Variants in SGCZ observed in about 807,000 individuals in gnomAD.
SGCZ encodes the protein sarcoglycan zeta.
A neutral mutation model predicts 41.3 loss-of-function variants in SGCZ; 40 were observed. That is an observed-to-expected ratio of 0.97 (90% CI 0.75 to 1.26). The LOEUF (loss-of-function observed/expected upper bound fraction) is 1.26. Among genes scored for constraint, SGCZ ranks in the 50% most tolerant of loss-of-function variants. SGCZ has a pLI of 0.00. For synonymous variants in SGCZ, 206 were observed against 137.5 expected (o/e 1.50, Z -3.49); for missense variants, 552 against 369.8 (o/e 1.49, Z -4.04).
chr8:14,537,078 A>G (rs142589421), intron 2 of SGCZ, among the ~76,000 whole-genome samples: 1,578 of 151,908 alleles, frequency 0.01, 22 homozygotes, highest in African/African-American at 0.036. Context: ...CCCCATCATG[A>G]CTCTAACAGC....
rs192200235 is a variant in SGCZ, at chr8:14,989,313, C to T, written c.39+248272G>A. ...ATCACTGTTCTGTACTCCCCAACAA[C>T]GTACCAGAAAGATAAATAATTCATT... is the stretch of plus-strand genomic sequence containing the variant. On this transcript the variant is annotated intron_variant, in intron 1 of 7. Transcript: ENST00000382080. Among the ~76,000 whole-genome samples the T allele has an allele frequency of 1.5e-3, 223 of 152,170 alleles. 1 individual carries two copies. The highest frequency in any genetic ancestry group is 4.8e-3 in the African/African-American group (201 of 41,510).
chr8:14,989,717 G>T (rs551667170), intron 1 of SGCZ, among the ~76,000 whole-genome samples: 3 of 152,132 alleles, frequency 2.0e-5, no homozygotes, highest in African/African-American at 7.2e-5. Context: ...TTTCTGTCAC[G>T]AGCAGAAATG....
rs1810060993 is a variant in SGCZ, at chr8:14,726,474, T to C, written c.40-171548A>G. On this transcript the variant is annotated intron_variant, in intron 1 of 7. Coordinates refer to ENST00000382080, the MANE Select transcript of SGCZ (RefSeq NM_139167.4). ...TAAGTCATTTAACAAAAGCTGTTTA[T>C]ATATATTTCAAAAAACAACATTTTA... Among the ~76,000 whole-genome samples, 2 of 151,422 alleles carry C rather than the reference T, an allele frequency of 1.3e-5. 1 individual carries two copies. The highest frequency in any genetic ancestry group is 4.1e-4 in the South Asian group (2 of 4,822).
chr8:14,464,049 A>G (rs1389232508), intron 2 of SGCZ, among the ~76,000 whole-genome samples: 1 of 151,638 alleles, frequency 6.6e-6, no homozygotes, highest in Non-Finnish European at 1.5e-5. Flanking sequence ...CTTTGTATCA[A>G]TGTTCATAAG....
At chr8:15,177,613 C>A (rs1800038361) in intron 1 of SGCZ, among the ~76,000 whole-genome samples, 1 of 152,042 alleles carries the variant, frequency 6.6e-6, no homozygotes, top group Admixed American at 6.5e-5. Flanking sequence ...TAAAAAGGAA[C>A]TGATGGAACA....
chr8:14,180,976 C>A (rs1302450406), intron 4 of SGCZ, among the ~76,000 whole-genome samples: 2 of 151,982 alleles, frequency 1.3e-5, no homozygotes, highest in African/African-American at 2.4e-5. Context: ...CAACATGAGG[C>A]AGCACCAATA....
chr8:14,589,674 G>T (rs1301225133), intron 1 of SGCZ, among the ~76,000 whole-genome samples: 1 of 152,040 alleles, frequency 6.6e-6, no homozygotes, highest in African/African-American at 2.4e-5. Flanking sequence ...TAATTTGGAG[G>T]AACATAGATA....
intron 1 of SGCZ, among the ~76,000 whole-genome samples, chr8:14,560,802 C>T (rs1009874157): frequency 4.2e-4 from 64 of 151,484 alleles, no homozygotes; most frequent in African/African-American, 1.5e-3. Context: ...TATCAAATGC[C>T]TCTAACAATT....
At chr8:14,416,633 A>G (rs1293246367) in intron 2 of SGCZ, among the ~76,000 whole-genome samples, 3 of 151,852 alleles carry the variant, frequency 2.0e-5, no homozygotes, top group Non-Finnish European at 4.4e-5. Flanking sequence ...TTTTAAATGG[A>G]TATTAACCAT....
intron 2 of SGCZ, among the ~76,000 whole-genome samples, chr8:14,498,648 T>A (rs748045972): frequency 3.9e-5 from 6 of 152,096 alleles, no homozygotes; most frequent in Non-Finnish European, 7.4e-5. Flanking sequence ...CATGAGCTAT[T>A]ATTTTAGTGG....
intron 1 of SGCZ, among the ~76,000 whole-genome samples, chr8:14,979,761 G>C (rs540722407): frequency 1.3e-5 from 2 of 152,286 alleles, no homozygotes; most frequent in South Asian, 4.1e-4. Flanking sequence ...CTGGTTATTA[G>C]GATATGAATA....
chr8:14,387,821 C>G (rs1418175196), intron 2 of SGCZ, among the ~76,000 whole-genome samples: 2 of 151,974 alleles, frequency 1.3e-5, no homozygotes, highest in Admixed American at 6.6e-5. Context: ...TTCATCTGGT[C>G]TTTGCATTTT....
At chr8:14,657,249 G>T (rs375177805) in intron 1 of SGCZ, among the ~76,000 whole-genome samples, 1 of 151,936 alleles carries the variant, frequency 6.6e-6, no homozygotes, top group East Asian at 1.9e-4. Flanking sequence ...TATTCTCCCG[G>T]GTTCCCTCAT....
At chr8:15,115,702 CAT>C (rs1807243457) in intron 1 of SGCZ, among the ~76,000 whole-genome samples, 1 of 152,142 alleles carries the variant, frequency 6.6e-6, no homozygotes, top group Non-Finnish European at 1.5e-5. Context: ...TCAGATGTTC[CAT>C]TGTGCAAATG....
intron 3 of SGCZ, among the ~76,000 whole-genome samples, chr8:14,314,940 A>T (rs1036384112): frequency 6.6e-6 from 1 of 152,212 alleles, no homozygotes; most frequent in African/African-American, 2.4e-5. Context: ...GCAAAATGGA[A>T]CAGAAAAAGG....
At chr8:15,005,648 C>T (rs4496967) in intron 1 of SGCZ, among the ~76,000 whole-genome samples, 125,614 of 145,940 alleles carry the variant, frequency 0.86, 52,711 homozygotes, top group African/African-American at 0.9. Context: ...CATTTTTTTT[C>T]TTTTACCAGA....
intron 1 of SGCZ, among the ~76,000 whole-genome samples, chr8:14,646,459 G>C (rs1013209643): frequency 4.0e-5 from 6 of 151,856 alleles, no homozygotes; most frequent in African/African-American, 1.5e-4. Flanking sequence ...CTGTTGATGG[G>C]CACTTAGGCA....
chr8:14,732,573 C>CAGG (rs1217640001), intron 1 of SGCZ, among the ~76,000 whole-genome samples: 1 of 152,196 alleles, frequency 6.6e-6, no homozygotes, highest in Non-Finnish European at 1.5e-5. Flanking sequence ...CCTCACACTC[C>CAGG]ACTGCAGGTG....
intron 2 of SGCZ, among the ~76,000 whole-genome samples, chr8:14,379,957 T>G (rs1432841384): frequency 1.3e-5 from 2 of 152,102 alleles, no homozygotes; most frequent in African/African-American, 4.8e-5. Context: ...GGTCTTGAAC[T>G]CCCGACCTCA....
Sources: gnomAD v4.1 joint callset for allele counts (sites outside exome capture counted in the v4.1 genomes callset) on GRCh38, gnomAD v4.1.1 for gene constraint, MANE v1.5 for transcripts, NCBI Gene and HGNC (gene_info 2026-07-23, HGNC 2026-07-21) for gene names.